NUDCD1: variants seen among roughly 807,000 people sequenced by gnomAD.
The protein encoded by NUDCD1 is NudC domain containing 1.
In NUDCD1, 60 loss-of-function variants were observed where a neutral mutation model predicts 67.8. The observed-to-expected ratio is 0.88, with a 90% CI of 0.72 to 1.10. NUDCD1 has a LOEUF of 1.10. Ranked by LOEUF, NUDCD1 falls within the 50% of genes least tolerant of loss-of-function variation. The pLI is 0.00. For synonymous variants in NUDCD1, 244 were observed against 230.8 expected, an observed-to-expected ratio of 1.06 and a Z score of -0.52; for missense variants, 643 against 695.0, an observed-to-expected ratio of 0.93 and a Z score of 0.84.
intron 8 of NUDCD1, among the ~76,000 whole-genome samples, chr8:109,265,906 A>C (rs1257539182): frequency 6.6e-6 from 1 of 152,140 alleles, no homozygotes. Context: ...GGGACCTGTA[A>C]GGTCTGTGGC....
chr8:109,284,001 A>C (rs574653164), intron 5 of NUDCD1, among the ~76,000 whole-genome samples: 19 of 151,458 alleles, frequency 1.3e-4, no homozygotes, highest in African/African-American at 3.6e-4. Flanking sequence ...AAAAAAAAAA[A>C]AAAAAACAAA....
At chr8:109,285,360 C>A (rs545807866) in intron 5 of NUDCD1, among the ~76,000 whole-genome samples, 1 of 151,762 alleles carries the variant, frequency 6.6e-6, no homozygotes. Flanking sequence ...AAGACACACA[C>A]AAAAAAACTA....
intron 2 of NUDCD1, among the ~76,000 whole-genome samples, chr8:109,308,770 G>T (rs559159524): frequency 6.6e-6 from 1 of 152,130 alleles, no homozygotes; most frequent in East Asian, 1.9e-4. Context: ...AGGAGATCGA[G>T]ACCATCCTGG....
chr8:109,261,648 G>A (rs1450974008), intron 8 of NUDCD1, among the ~76,000 whole-genome samples: 1 of 152,114 alleles, frequency 6.6e-6, no homozygotes, highest in East Asian at 1.9e-4. Flanking sequence ...GATATAAGTA[G>A]TTAAGAGATG....
At chr8:109,282,183 C>T (rs1412172504) in intron 5 of NUDCD1, among the ~76,000 whole-genome samples, 3 of 152,274 alleles carry the variant, frequency 2.0e-5, no homozygotes, top group African/African-American at 2.4e-5. Flanking sequence ...GGCCCCTACT[C>T]CCCGGGGCTG....
At chr8:109,300,281 G>C (rs542029855) in intron 2 of NUDCD1, among the ~76,000 whole-genome samples, 1 of 152,192 alleles carries the variant, frequency 6.6e-6, no homozygotes, top group Non-Finnish European at 1.5e-5. Context: ...AAGAATTCAG[G>C]AGGTCAGTTA....
At position 109,281,150 on chromosome 8, in the gene NUDCD1, C is replaced by A. The variant is rs1262220398; in HGVS notation, c.846G>T (p.Gln282His). ...TGGTTACTGTCAAATCATCTTCAGT[C>A]TGTTGCCAGTAATACAGAGGTTCTA... is the stretch of plus-strand genomic sequence containing the variant. ...KIKEPLYYWQQTEDDLTVTIR... is the reference protein window; with the variant it reads ...KIKEPLYYWQHTEDDLTVTIR... Residue 282 changes from glutamine to histidine, a missense_variant, in exon 6 of 10, where the codon CAG (glutamine) becomes CAT (histidine). Physicochemically the swap from Gln to His is conservative, Grantham distance 24 (BLOSUM62 0). Coordinates refer to ENST00000239690, the MANE Select transcript of NUDCD1 (RefSeq NM_032869.4). 1 of 1,612,374 alleles carries A rather than the reference C, an allele frequency of 6.2e-7. No homozygotes were observed. Among genetic ancestry groups the A allele is most frequent in the Non-Finnish European group, 8.5e-7 (1 of 1,178,858 alleles).
chr8:109,276,350 G>A (rs758562112), intron 6 of NUDCD1, among the ~76,000 whole-genome samples: 5 of 152,178 alleles, frequency 3.3e-5, no homozygotes, highest in Admixed American at 6.5e-5. Context: ...CAGAAAAGGG[G>A]AGTGGTAATA....
intron 7 of NUDCD1, among the ~76,000 whole-genome samples, chr8:109,271,611 A>G (rs1188778317): frequency 6.6e-6 from 1 of 152,126 alleles, no homozygotes; most frequent in Non-Finnish European, 1.5e-5. Flanking sequence ...GGGTAACTGG[A>G]GGAGGGCAAG....
chr8:109,299,156 G>T (rs1007821262), intron 2 of NUDCD1, among the ~76,000 whole-genome samples: 4 of 152,170 alleles, frequency 2.6e-5, no homozygotes, highest in African/African-American at 9.7e-5. Context: ...GGGGTCCTTC[G>T]GGAGGGCAGC....
intron 8 of NUDCD1, among the ~76,000 whole-genome samples, chr8:109,267,065 T>C (rs576264871): frequency 2.6e-4 from 40 of 152,196 alleles, no homozygotes; most frequent in Admixed American, 7.9e-4. Flanking sequence ...TATGCATTTT[T>C]ACTTCACTGC....
At chr8:109,322,276 A>T (rs1815558449) in intron 2 of NUDCD1, 33 bp downstream of exon 2, 1 of 1,206,706 alleles carries the variant, frequency 8.3e-7, no homozygotes, top group Non-Finnish European at 1.2e-6. Context: ...TATTACATAC[A>T]TATATTAATT....
chr8:109,243,082 T>C lies in NUDCD1; in HGVS notation c.1679A>G (p.Gln560Arg), dbSNP rs1439772435. The C allele has an allele frequency of 6.2e-7, 1 of 1,612,576 alleles. No homozygotes were observed. The highest frequency in any genetic ancestry group is 1.1e-5 in the South Asian group (1 of 91,048). The change falls in exon 10 of 10, where the codon CAG becomes CGG. Residue 560 changes from glutamine (Q) to arginine (R), a missense_variant. Coordinates refer to ENST00000239690, the MANE Select transcript of NUDCD1 (RefSeq NM_032869.4). ...LETNDPILGF[Q>R]ATNERLFVLT... The stretch of plus-strand genomic sequence containing the variant: ...AACAAATAATCTCTCATTTGTTGCC[T>C]GAAATCCTAAAATAGGATCATTGGT...
At chr8:109,329,720 T>G (rs1347209821) in intron 1 of NUDCD1, 3 of 1,245,690 alleles carry the variant, frequency 2.4e-6, no homozygotes, top group Non-Finnish European at 3.4e-6. Flanking sequence ...ACTTCTTAAG[T>G]TGTACATTTT....
At chr8:109,303,641 T>C (rs1470519526) in intron 2 of NUDCD1, among the ~76,000 whole-genome samples, 1 of 142,372 alleles carries the variant, frequency 7.0e-6, no homozygotes, top group Non-Finnish European at 1.6e-5. Context: ...TTGCCACCTT[T>C]TTCCCCAGTT....
chr8:109,292,785 C>A (rs188431664), intron 4 of NUDCD1, among the ~76,000 whole-genome samples: 1 of 152,138 alleles, frequency 6.6e-6, no homozygotes, highest in East Asian at 1.9e-4. Flanking sequence ...AGAAGCTTGA[C>A]AGACAGCTTC....
rs1813361944 is a variant in NUDCD1 at position 109,241,378 on chromosome 8, T to C, written c.*1631A>G. ...AATTTTAGAGAAAATTTAGATCTAC[T>C]TTCCCATCATAAAGATTTTTAATAA... On this transcript the variant is annotated 3_prime_UTR_variant, in exon 10 of 10. Transcript: ENST00000239690. 1 of 152,208 alleles carries C rather than the reference T, an allele frequency of 6.6e-6. No homozygotes were observed. Among genetic ancestry groups the C allele is most frequent in the South Asian group, 2.1e-4 (1 of 4,832 alleles). 9.4% of individuals were successfully genotyped at this position (152,208 alleles called of 1,614,324 possible). A position where few individuals can be genotyped will look rare whatever the true frequency, so the allele number is the denominator to read the frequency against.
At position 109,243,250 on chromosome 8, in the gene NUDCD1, T is replaced by C. The variant is rs749247061; in HGVS notation, c.1511A>G (p.Asn504Ser). The C allele has an allele frequency of 6.2e-7, 1 of 1,607,080 alleles. No individual in the cohort carries two copies. ...CTCACAAAGGGCTGCATACGAGTAA[T>C]TTGGAGCACAGGCAAAAAATTTTTT... is the stretch of plus-strand genomic sequence containing the variant. ...RDKKFFACAP[N>S]YSYAALCECL... Residue 504 changes from asparagine to serine, a missense_variant, in exon 10 of 10, where the codon AAT (asparagine) becomes AGT (serine). Asn to Ser is a conservative substitution (Grantham distance 46). Transcript: ENST00000239690.
intron 2 of NUDCD1, among the ~76,000 whole-genome samples, chr8:109,300,141 C>A (rs1047754926): frequency 2.6e-5 from 4 of 152,066 alleles, no homozygotes; most frequent in African/African-American, 9.7e-5. Flanking sequence ...AGAGCCTACC[C>A]AAATAAGAAG....
Sources: gnomAD v4.1 joint callset for allele counts (sites outside exome capture counted in the v4.1 genomes callset) on GRCh38, gnomAD v4.1.1 for gene constraint, MANE v1.5 for transcripts, NCBI Gene and HGNC (gene_info 2026-07-23, HGNC 2026-07-21) for gene names.